The following SHISA9 variants were observed in gnomAD, a reference collection of about 807,000 sequenced individuals.
SHISA9 encodes the protein shisa family member 9.
Under a neutral mutation model 38.0 loss-of-function variants are expected in SHISA9, and 13 were observed. The ratio of observed to expected loss-of-function variants is 0.34; its 90% CI spans 0.22 to 0.54. The LOEUF is 0.54. Ranked by LOEUF, SHISA9 falls within the 20% of genes least tolerant of loss-of-function variation. SHISA9 has a pLI of 0.91. For synonymous variants in SHISA9, 275 were observed against 242.0 expected (o/e 1.14, Z -1.27); for missense variants, 538 against 575.8 (o/e 0.93, Z 0.67).
chr16:13,341,693 T>G, the SHISA9 span, among the ~76,000 whole-genome samples: 1 of 152,204 alleles, frequency 6.6e-6, no homozygotes, highest in African/African-American at 2.4e-5. Flanking sequence ...TGTTTCTCCA[T>G]TTTAAACACG....
chr16:13,334,436 T>A, the SHISA9 span, among the ~76,000 whole-genome samples: 1 of 152,124 alleles, frequency 6.6e-6, no homozygotes, highest in Admixed American at 6.5e-5. Flanking sequence ...CTCTGTAGAA[T>A]TGGGGCAAGT....
the SHISA9 span, among the ~76,000 whole-genome samples, chr16:13,410,691 T>C: frequency 6.6e-6 from 1 of 152,242 alleles, no homozygotes; most frequent in East Asian, 1.9e-4. Flanking sequence ...ATAAGAATTA[T>C]ATAACATTGG....
the SHISA9 span, among the ~76,000 whole-genome samples, chr16:13,439,954 G>A: frequency 6.6e-6 from 1 of 152,308 alleles, no homozygotes; most frequent in East Asian, 1.9e-4. Flanking sequence ...GGGCAGCTGG[G>A]CCTGTGATTA....
At chr16:13,293,614 G>A in the SHISA9 span, among the ~76,000 whole-genome samples, 2 of 152,150 alleles carry the variant, frequency 1.3e-5, no homozygotes, top group African/African-American at 2.4e-5. Context: ...CCTGATAAGT[G>A]TTATTATTGG....
At chr16:13,164,493 A>G (rs763152072) in intron 2 of SHISA9, among the ~76,000 whole-genome samples, 7 of 152,036 alleles carry the variant, frequency 4.6e-5, no homozygotes, top group Non-Finnish European at 7.4e-5. Flanking sequence ...GGCTTTATGG[A>G]ATGAGTTGCA....
At chr16:12,995,655 C>T (rs2072448920) in intron 2 of SHISA9, among the ~76,000 whole-genome samples, 2 of 152,168 alleles carry the variant, frequency 1.3e-5, no homozygotes, top group African/African-American at 2.4e-5. Flanking sequence ...CCCTAAGCCT[C>T]AGAGGAATTC....
the SHISA9 span, among the ~76,000 whole-genome samples, chr16:13,531,021 T>TA: frequency 1.3e-5 from 2 of 152,150 alleles, no homozygotes; most frequent in Admixed American, 1.3e-4. Flanking sequence ...CAACAGTGAG[T>TA]AAAGCAGAGA....
intron 2 of SHISA9, among the ~76,000 whole-genome samples, chr16:13,077,237 CTTCTTCT>C (rs902590159): frequency 1.3e-4 from 19 of 150,072 alleles, no homozygotes; most frequent in African/African-American, 4.5e-4. Flanking sequence ...TCTTCTTCTT[CTTCTTCT>C]TTTTTTTTTT....
chr16:13,199,163 CG>C (rs1036002830), intron 2 of SHISA9, among the ~76,000 whole-genome samples: 1 of 152,058 alleles, frequency 6.6e-6, no homozygotes, highest in African/African-American at 2.4e-5. Context: ...CTGAGACTGA[CG>C]GATCAAACAG....
chr16:13,136,782 A>G (rs2050353347), intron 2 of SHISA9, among the ~76,000 whole-genome samples: 1 of 152,128 alleles, frequency 6.6e-6, no homozygotes, highest in Admixed American at 6.6e-5. Flanking sequence ...AGTCCACACC[A>G]TGTGGAAAAA....
At chr16:13,415,880 T>C in the SHISA9 span, among the ~76,000 whole-genome samples, 1 of 151,066 alleles carries the variant, frequency 6.6e-6, no homozygotes, top group Non-Finnish European at 1.5e-5. Flanking sequence ...AAAAAAAGAG[T>C]ACATACTGGA....
Position 13,029,223 on chromosome 16 carries a change from T to G in SHISA9, c.691+112408T>G, listed in dbSNP as rs568225083. 2.4e-3 allele frequency among the ~76,000 whole-genome samples: 359 copies of G among 152,330 alleles called. 2 individuals are homozygous for G. The highest frequency in any genetic ancestry group is 8.1e-3 in the African/African-American group (336 of 41,582). On this transcript the variant is annotated intron_variant, in intron 2 of 4. Transcript: ENST00000558583. ...GCAGCACTGTTCACAATAGCCAGAT[T>G]TGGAAGCAACCTAAGTGTCCATCAG...
At chr16:13,033,034 A>G (rs2073010492) in intron 2 of SHISA9, among the ~76,000 whole-genome samples, 1 of 152,170 alleles carries the variant, frequency 6.6e-6, no homozygotes, top group African/African-American at 2.4e-5. Context: ...CTTTCTTCGC[A>G]TGGTGACCAG....
intron 2 of SHISA9, among the ~76,000 whole-genome samples, chr16:13,073,045 C>A (rs548644928): frequency 6.6e-6 from 1 of 152,248 alleles, no homozygotes; most frequent in East Asian, 1.9e-4. Context: ...CCTGTCTTGG[C>A]CTTTCAGAGT....
At chr16:13,281,343 GCTTA>G in the SHISA9 span, among the ~76,000 whole-genome samples, 1 of 151,578 alleles carries the variant, frequency 6.6e-6, no homozygotes, top group Non-Finnish European at 1.5e-5. Flanking sequence ...GCTTTCTTGT[GCTTA>G]CTGTTTGCAT....
intron 2 of SHISA9, among the ~76,000 whole-genome samples, chr16:13,155,174 A>G (rs1381128771): frequency 1.3e-5 from 2 of 152,228 alleles, no homozygotes; most frequent in Non-Finnish European, 2.9e-5. Flanking sequence ...AACAGAATGG[A>G]TTGAACTGGG....
At chr16:13,365,016 A>G in the SHISA9 span, among the ~76,000 whole-genome samples, 7 of 152,184 alleles carry the variant, frequency 4.6e-5, no homozygotes. Context: ...TAGGGACACC[A>G]CAAGTCTTCC....
chr16:13,219,372 A>G (rs384061), intron 4 of SHISA9, among the ~76,000 whole-genome samples: 14,667 of 152,190 alleles, frequency 0.096, 974 homozygotes, highest in East Asian at 0.29. Flanking sequence ...GTCTTTTCTG[A>G]AAAGGTACTG....
intron 3 of SHISA9, among the ~76,000 whole-genome samples, chr16:13,204,210 G>GTCTGTCTA (rs200624271): frequency 0.013 from 1,798 of 141,068 alleles, 21 homozygotes; most frequent in East Asian, 0.033. Flanking sequence ...CTGTCTGTCT[G>GTCTGTCTA]TCTATCTATC....
Sources: gnomAD v4.1 joint callset for allele counts (sites outside exome capture counted in the v4.1 genomes callset) on GRCh38, gnomAD v4.1.1 for gene constraint, MANE v1.5 for transcripts, NCBI Gene and HGNC (gene_info 2026-07-23, HGNC 2026-07-21) for gene names.